The following COL21A1 variants were observed in gnomAD, a reference collection of about 807,000 sequenced individuals.
COL21A1 encodes collagen type XXI alpha 1 chain, also known as collagen alpha-1(XXI) chain.
COL21A1 carries 149 observed loss-of-function variants against 137.9 expected under a neutral mutation model. That is an observed-to-expected ratio of 1.08 (90% CI 0.95 to 1.24). COL21A1 has a LOEUF of 1.24. Among genes scored for constraint, COL21A1 ranks in the 50% most tolerant of loss-of-function variants. COL21A1 has a pLI of 0.00. For missense variants in COL21A1, 1,167 were observed against 1,158.4 expected, an observed-to-expected ratio of 1.01 and a Z score of -0.11; for synonymous variants, 456 against 391.5, an observed-to-expected ratio of 1.16 and a Z score of -1.95.
chr6:56,080,897 A>G (rs1022914248), intron 17 of COL21A1, among the ~76,000 whole-genome samples: 2 of 151,818 alleles, frequency 1.3e-5, no homozygotes, highest in African/African-American at 4.8e-5. Context: ...TTATCAGTAA[A>G]GAGCATAGTA....
intron 1 of COL21A1, among the ~76,000 whole-genome samples, chr6:56,341,309 A>G (rs1765463645): frequency 6.6e-6 from 1 of 152,238 alleles, no homozygotes; most frequent in Admixed American, 6.5e-5. Context: ...GATGGAATTT[A>G]TTTTCAGATA....
intron 1 of COL21A1, among the ~76,000 whole-genome samples, chr6:56,265,779 T>C (rs1763377352): frequency 6.6e-6 from 1 of 152,098 alleles, no homozygotes; most frequent in Admixed American, 6.6e-5. Flanking sequence ...CACTACTTGT[T>C]GACAGAAACA....
At chr6:56,194,304 T>G (rs1279315639) in intron 1 of COL21A1, among the ~76,000 whole-genome samples, 1 of 152,224 alleles carries the variant, frequency 6.6e-6, no homozygotes, top group Non-Finnish European at 1.5e-5. Context: ...TACCATGTTA[T>G]TTAATCATTA....
chr6:56,173,839 A>T (rs991806384), intron 3 of COL21A1, among the ~76,000 whole-genome samples: 23 of 152,188 alleles, frequency 1.5e-4, no homozygotes, highest in African/African-American at 5.5e-4. Context: ...TATAGACCAA[A>T]TGAACCTAGC....
intron 16 of COL21A1, among the ~76,000 whole-genome samples, chr6:56,118,048 A>C (rs568144055): frequency 6.6e-6 from 1 of 152,054 alleles, no homozygotes; most frequent in East Asian, 1.9e-4. Context: ...GGCAAACCAA[A>C]CCCAAAATTA....
intron 1 of COL21A1, among the ~76,000 whole-genome samples, chr6:56,322,845 T>C (rs368811871): frequency 8.0e-6 from 1 of 125,724 alleles, no homozygotes; most frequent in East Asian, 2.4e-4. Flanking sequence ...AATAATCTGA[T>C]AACCCAGAGG....
chr6:56,316,776 A>C (rs2152340645), intron 1 of COL21A1, among the ~76,000 whole-genome samples: 1 of 152,160 alleles, frequency 6.6e-6, no homozygotes, highest in South Asian at 2.1e-4. Flanking sequence ...GAGTTACTGC[A>C]CAAGGCCAAT....
At chr6:56,266,409 T>C (rs1355044648) in intron 1 of COL21A1, among the ~76,000 whole-genome samples, 1 of 152,122 alleles carries the variant, frequency 6.6e-6, no homozygotes, top group African/African-American at 2.4e-5. Flanking sequence ...TTTTTTGAGG[T>C]TTGTCTGCAT....
intron 10 of COL21A1, among the ~76,000 whole-genome samples, chr6:56,147,246 C>G (rs183534135): frequency 6.6e-6 from 1 of 152,142 alleles, no homozygotes; most frequent in Admixed American, 6.5e-5. Context: ...TCTTGCTGTC[C>G]TGCTACATTT....
chr6:56,096,310 G>T (rs780848036), intron 17 of COL21A1, among the ~76,000 whole-genome samples: 2 of 152,102 alleles, frequency 1.3e-5, no homozygotes, highest in Non-Finnish European at 2.9e-5. Flanking sequence ...TGATGGCCAG[G>T]CCATGATTAA....
intron 1 of COL21A1, among the ~76,000 whole-genome samples, chr6:56,342,681 C>T (rs1765496980): frequency 6.6e-6 from 1 of 152,156 alleles, no homozygotes; most frequent in African/African-American, 2.4e-5. Context: ...AACACTGGGG[C>T]TGGAAAAAGA....
chr6:56,281,322 C>T (rs1159835595), intron 1 of COL21A1, among the ~76,000 whole-genome samples: 1 of 152,104 alleles, frequency 6.6e-6, no homozygotes. Flanking sequence ...GTTTACAATG[C>T]CATTTCACAT....
chr6:56,241,802 T>C (rs1782344009), intron 1 of COL21A1, among the ~76,000 whole-genome samples: 1 of 152,252 alleles, frequency 6.6e-6, no homozygotes. Flanking sequence ...CATCATGCTA[T>C]GCTTGTTGAG....
chr6:56,360,465 A>G (rs752175347), intron 1 of COL21A1, among the ~76,000 whole-genome samples: 10 of 152,216 alleles, frequency 6.6e-5, no homozygotes, highest in Non-Finnish European at 1.3e-4. Context: ...GAGGACTCAG[A>G]GTGATGATGT....
intron 12 of COL21A1, among the ~76,000 whole-genome samples, chr6:56,130,436 T>A (rs909792085): frequency 6.6e-6 from 1 of 151,846 alleles, no homozygotes; most frequent in Non-Finnish European, 1.5e-5. Flanking sequence ...GATATACTAT[T>A]AATAAGATGG....
chr6:56,181,401 T>G (rs1477939313), intron 2 of COL21A1, among the ~76,000 whole-genome samples: 8 of 144,990 alleles, frequency 5.5e-5, no homozygotes, highest in South Asian at 4.2e-4. Flanking sequence ...TGTTTTTTGT[T>G]TTTTTTTTGC....
chr6:56,141,070 C>T (rs1168766352), intron 12 of COL21A1, among the ~76,000 whole-genome samples: 1 of 152,084 alleles, frequency 6.6e-6, no homozygotes, highest in East Asian at 1.9e-4. Flanking sequence ...ATGAAATCCC[C>T]CTTTTTATGT....
In COL21A1 at chr6:56,384,204, A is replaced by G. The variant is rs1581796725; in HGVS notation, c.-39+9767T>C. Among the ~76,000 whole-genome samples the G allele has an allele frequency of 2.0e-5, 3 of 152,134 alleles. No individual in the cohort carries two copies. The East Asian group carries it at 5.8e-4, about 29-fold the overall frequency. ...AGCCAAGCCCAGAGTGCTTCCTTGA[A>G]CAGGCATTTATTTGCTTCTGCACCA... On this transcript the variant is annotated intron_variant, in intron 1 of 28. Coordinates refer to the COL21A1 transcript ENST00000370819.
intron 1 of COL21A1, among the ~76,000 whole-genome samples, chr6:56,214,715 G>A (rs568880156): frequency 6.6e-6 from 1 of 151,286 alleles, no homozygotes; most frequent in Admixed American, 6.6e-5. Context: ...ATGGTTGTTA[G>A]GCAAAACAAA....
Sources: gnomAD v4.1 joint callset for allele counts (sites outside exome capture counted in the v4.1 genomes callset) on GRCh38, gnomAD v4.1.1 for gene constraint, MANE v1.5 for transcripts, NCBI Gene and HGNC (gene_info 2026-07-23, HGNC 2026-07-21) for gene names.